CEP162: variants seen among roughly 807,000 people sequenced by gnomAD.
CEP162 encodes the protein centrosomal protein 162, also known as centrosomal protein of 162 kDa.
In CEP162, 141 loss-of-function variants were observed where a neutral mutation model predicts 169.2. That is an observed-to-expected ratio of 0.83 (90% CI 0.73 to 0.96). The LOEUF (loss-of-function observed/expected upper bound fraction) is 0.96, where lower values mean the gene tolerates loss of function less well. Ranked by LOEUF, CEP162 falls within the 40% of genes least tolerant of loss-of-function variation. The pLI, the probability that CEP162 is intolerant of heterozygous loss-of-function variation, is 0.00. For missense variants in CEP162, 1,600 were observed against 1,587.2 expected (o/e 1.01, Z -0.14); for synonymous variants, 540 against 526.4 (o/e 1.03, Z -0.35).
At chr6:84,195,185 T>C (rs1465816394) in intron 9 of CEP162, 110 bp from the exon 10 acceptor site, 5 of 906,106 alleles carry the variant, frequency 5.5e-6, no homozygotes, top group Non-Finnish European at 8.1e-6. Flanking sequence ...TAGAGTTAAG[T>C]ACTAACTAGG....
intron 11 of CEP162, among the ~76,000 whole-genome samples, chr6:84,191,792 T>C (rs1048251222): frequency 1.3e-5 from 2 of 152,126 alleles, no homozygotes; most frequent in Non-Finnish European, 2.9e-5. Context: ...TAGAAAGGTA[T>C]ATCCTGGCAG....
At chr6:84,151,439 G>C (rs1326895407) in intron 23 of CEP162, among the ~76,000 whole-genome samples, 3 of 151,994 alleles carry the variant, frequency 2.0e-5, no homozygotes, top group Non-Finnish European at 4.4e-5. Flanking sequence ...AGGGGAGCTT[G>C]GGAAGGGGAA....
chr6:84,160,085 TACCC>T (rs1294035024), intron 21 of CEP162, among the ~76,000 whole-genome samples: 1 of 152,174 alleles, frequency 6.6e-6, no homozygotes, highest in African/African-American at 2.4e-5. Flanking sequence ...GATGGAATAA[TACCC>T]ATATGTCTAA....
intron 19 of CEP162, 117 bp from the exon 20 acceptor site, chr6:84,162,026 A>G: frequency 1.5e-6 from 1 of 661,222 alleles, no homozygotes; most frequent in Non-Finnish European, 2.5e-6. Flanking sequence ...TTATGAAAAA[A>G]TAAGAAGCAT....
At chr6:84,133,052 TTA>T (rs1369208123) in intron 25 of CEP162, among the ~76,000 whole-genome samples, 4 of 152,200 alleles carry the variant, frequency 2.6e-5, no homozygotes, top group Non-Finnish European at 4.4e-5. Flanking sequence ...TGTATGTCCT[TTA>T]TGTTTGTTAG....
chr6:84,208,829 G>A (rs866241658), intron 6 of CEP162, among the ~76,000 whole-genome samples: 59 of 152,310 alleles, frequency 3.9e-4, no homozygotes, highest in Middle Eastern at 6.8e-3. Context: ...ATAGTTATAA[G>A]TAATTACTTT....
chr6:84,201,666 G>T, intron 8 of CEP162, 71 bp downstream of exon 8: 1 of 763,510 alleles, frequency 1.3e-6, no homozygotes, highest in South Asian at 1.8e-5. Context: ...GACTCATTCA[G>T]AATTACTGAG....
chr6:84,153,873 A>C (rs573633989), intron 22 of CEP162, among the ~76,000 whole-genome samples: 29 of 152,232 alleles, frequency 1.9e-4, no homozygotes, highest in Admixed American at 6.5e-4. Context: ...CCCACAAGTA[A>C]AATAATGGGC....
At chr6:84,178,146 G>A (rs2099533142) in intron 13 of CEP162, among the ~76,000 whole-genome samples, 1 of 148,592 alleles carries the variant, frequency 6.7e-6, no homozygotes, top group Non-Finnish European at 1.5e-5. Context: ...TTTGGATCCT[G>A]AATCAAATAA....
intron 25 of CEP162, among the ~76,000 whole-genome samples, chr6:84,141,066 C>G (rs559006070): frequency 2.9e-4 from 44 of 152,284 alleles, no homozygotes; most frequent in South Asian, 1.5e-3. Context: ...AATGCCGCCA[C>G]TGATCTGACA....
chr6:84,127,631 T>C (rs2099509495), intron 25 of CEP162, among the ~76,000 whole-genome samples: 1 of 152,202 alleles, frequency 6.6e-6, no homozygotes, highest in Admixed American at 6.5e-5. Context: ...GGCATAGTCA[T>C]ACACAGAATG....
At chr6:84,205,095 CA>C (rs1251951112) in intron 6 of CEP162, among the ~76,000 whole-genome samples, 2 of 152,138 alleles carry the variant, frequency 1.3e-5, no homozygotes, top group South Asian at 4.2e-4. Flanking sequence ...GCCTACCAAC[CA>C]AAAAAAGTCC....
At chr6:84,164,294 T>C (rs2099526909) in intron 18 of CEP162, among the ~76,000 whole-genome samples, 1 of 152,198 alleles carries the variant, frequency 6.6e-6, no homozygotes, top group Non-Finnish European at 1.5e-5. Flanking sequence ...AGTGTGGTGA[T>C]TCCTCAAGGA....
intron 25 of CEP162, among the ~76,000 whole-genome samples, chr6:84,139,077 C>T (rs1269664587): frequency 6.6e-6 from 1 of 152,184 alleles, no homozygotes; most frequent in African/African-American, 2.4e-5. Flanking sequence ...TGGCCTTTCA[C>T]ACTTTTTAGA....
At chr6:84,162,178 A>G (rs1039403761) in intron 19 of CEP162, among the ~76,000 whole-genome samples, 1 of 152,304 alleles carries the variant, frequency 6.6e-6, no homozygotes, top group East Asian at 1.9e-4. Context: ...TTTTCCACTA[A>G]CCTTTTTAAA....
At position 84,161,826 on chromosome 6, in the gene CEP162, C is replaced by A. The variant is rs781104451; in HGVS notation, c.2596G>T (p.Ala866Ser). Reference protein sequence around the residue: ...SRLQKRLQWYAENQELLDKDA... With the variant: ...SRLQKRLQWYSENQELLDKDA... ...TTATCCAGAAGTTCCTGATTTTCAG[C>A]ATACCACTGTAATCTTTTTTGCAGA... Residue 866 changes from alanine (A) to serine (S), a missense_variant, in exon 20 of 27, where the codon GCT becomes TCT. Transcript: ENST00000403245. 1.3e-6 allele frequency: 2 copies of A among 1,598,206 alleles called. No homozygotes were observed. The highest frequency in any genetic ancestry group is 2.2e-5 in the East Asian group (1 of 44,550).
intron 5 of CEP162, among the ~76,000 whole-genome samples, chr6:84,213,593 T>C (rs1032219501): frequency 1.3e-5 from 2 of 152,194 alleles, no homozygotes; most frequent in African/African-American, 4.8e-5. Context: ...CTTTTCAGTC[T>C]ATCAACCCTA....
chr6:84,198,158 T>C (rs1427014064), intron 9 of CEP162, among the ~76,000 whole-genome samples: 1 of 152,236 alleles, frequency 6.6e-6, no homozygotes, highest in Non-Finnish European at 1.5e-5. Flanking sequence ...TTAAGTTAAC[T>C]GCTTAATACA....
chr6:84,149,288 T>C (rs1331152609), intron 24 of CEP162, among the ~76,000 whole-genome samples: 3 of 152,114 alleles, frequency 2.0e-5, no homozygotes, highest in Non-Finnish European at 4.4e-5. Flanking sequence ...TAGAGACTTA[T>C]TTGAGAAGTA....
Sources: allele counts gnomAD v4.1 joint callset (sites outside exome capture counted in the v4.1 genomes callset), GRCh38; gene constraint gnomAD v4.1.1; transcripts MANE v1.5; gene names NCBI Gene and HGNC (gene_info 2026-07-23, HGNC 2026-07-21).